The following ANO3 variants were observed in gnomAD, a reference collection of about 807,000 sequenced individuals.
ANO3 encodes the protein anoctamin 3.
ANO3 carries 99 observed loss-of-function variants against 144.8 expected under a neutral mutation model. The observed-to-expected ratio is 0.68, with a 90% CI of 0.58 to 0.81. ANO3 has a LOEUF of 0.81. Ranked by LOEUF, ANO3 falls within the 30% of genes least tolerant of loss-of-function variation. The pLI is 0.00. For missense variants in ANO3, 905 were observed against 1,202.2 expected, an observed-to-expected ratio of 0.75 and a Z score of 3.66; for synonymous variants, 414 against 392.6, an observed-to-expected ratio of 1.05 and a Z score of -0.64.
At chr11:26,558,723 A>G (rs539074397) in intron 13 of ANO3, among the ~76,000 whole-genome samples, 1 of 152,198 alleles carries the variant, frequency 6.6e-6, no homozygotes, top group African/African-American at 2.4e-5. Flanking sequence ...CTTTACATAT[A>G]TTTTGCAGTG....
chr11:26,478,532 CA>C (rs902979551), intron 4 of ANO3, among the ~76,000 whole-genome samples: 4 of 152,046 alleles, frequency 2.6e-5, no homozygotes, highest in African/African-American at 9.7e-5. Context: ...CAGTAATGGA[CA>C]AATTTCCCAA....
chr11:26,555,975 A>G (rs569036170), intron 13 of ANO3, among the ~76,000 whole-genome samples: 3 of 152,250 alleles, frequency 2.0e-5, no homozygotes, highest in East Asian at 1.9e-4. Flanking sequence ...TAAATTTTCC[A>G]TATTATATTG....
At chr11:26,236,435 T>G (rs2133806931) in intron 1 of ANO3, among the ~76,000 whole-genome samples, 1 of 151,640 alleles carries the variant, frequency 6.6e-6, no homozygotes, top group East Asian at 1.9e-4. Flanking sequence ...CCAAACAGTT[T>G]GAAATAAAAG....
In ANO3 at chr11:26,432,169, CT is replaced by C. The variant is rs368004562; in HGVS notation, c.47-9741del. The stretch of plus-strand genomic sequence containing the variant: ...TACTCTAATGATCAGTGGTATTGAG[CT>C]TTTTTTTCCCATAATTGGTGGCCAC... On this transcript the variant is annotated intron_variant, in intron 1 of 26. Transcript: ENST00000256737. Among the ~76,000 whole-genome samples the C allele has an allele frequency of 5.3e-5, 8 of 151,838 alleles. No individual in the cohort carries two copies. In the South Asian group the frequency reaches 6.2e-4, roughly 12 times the overall value.
chr11:26,238,932 G>C (rs1284592006), intron 1 of ANO3, among the ~76,000 whole-genome samples: 1 of 151,480 alleles, frequency 6.6e-6, no homozygotes, highest in Non-Finnish European at 1.5e-5. Flanking sequence ...TTGCTAGCTA[G>C]AGATAATTTC....
intron 1 of ANO3, among the ~76,000 whole-genome samples, chr11:26,357,855 A>G (rs560874470): frequency 4.6e-5 from 7 of 152,324 alleles, no homozygotes; most frequent in Non-Finnish European, 7.4e-5. Context: ...CATTTTGCAT[A>G]AATATCTTAA....
intron 1 of ANO3, among the ~76,000 whole-genome samples, chr11:26,280,310 C>T (rs1455515398): frequency 6.6e-6 from 1 of 152,126 alleles, no homozygotes; most frequent in Non-Finnish European, 1.5e-5. Flanking sequence ...TTAAGGTTCT[C>T]TAGCAGGACA....
At chr11:26,561,422 T>G (rs2134249776) in intron 14 of ANO3, among the ~76,000 whole-genome samples, 1 of 152,118 alleles carries the variant, frequency 6.6e-6, no homozygotes. Context: ...AAGAGTACAG[T>G]TTTACTTCCA....
chr11:26,417,958 C>T (rs992414256), intron 1 of ANO3, among the ~76,000 whole-genome samples: 8 of 152,050 alleles, frequency 5.3e-5, no homozygotes. Context: ...TTTTCTCACC[C>T]TGAACTGGTT....
At chr11:26,391,576 G>C (rs1465750202) in intron 1 of ANO3, among the ~76,000 whole-genome samples, 1 of 151,842 alleles carries the variant, frequency 6.6e-6, no homozygotes, top group Admixed American at 6.6e-5. Flanking sequence ...TTCTAGTTTT[G>C]GCAATGGTTT....
chr11:26,649,765 A>G (rs1300861111), intron 24 of ANO3, among the ~76,000 whole-genome samples: 1 of 152,074 alleles, frequency 6.6e-6, no homozygotes, highest in African/African-American at 2.4e-5. Context: ...CATAGCCCTT[A>G]TGATTAAGAA....
chr11:26,593,966 T>G (rs1590604264), intron 14 of ANO3, among the ~76,000 whole-genome samples: 1 of 152,150 alleles, frequency 6.6e-6, no homozygotes, highest in Non-Finnish European at 1.5e-5. Context: ...TAAGGCGGAC[T>G]TTTGAAGTTT....
At chr11:26,485,205 G>A (rs1174402109) in intron 4 of ANO3, among the ~76,000 whole-genome samples, 1 of 152,132 alleles carries the variant, frequency 6.6e-6, no homozygotes, top group East Asian at 1.9e-4. Flanking sequence ...GGGGCCAGGG[G>A]CAGAATGATA....
intron 14 of ANO3, chr11:26,565,296 C>A (rs770577331): frequency 6.2e-7 from 1 of 1,608,726 alleles, no homozygotes; most frequent in South Asian, 1.1e-5. Context: ...AAGCCATCCA[C>A]TTGGTTCCAC....
Position 26,437,883 on chromosome 11 carries a change from A to T in ANO3, c.47-4035A>T, listed in dbSNP as rs75171912. Among the ~76,000 whole-genome samples the T allele has an allele frequency of 9.3e-3, 1,412 of 152,380 alleles. 12 individuals carry two copies. The highest frequency in any genetic ancestry group is 0.032 in the African/African-American group (1,315 of 41,596). On this transcript the variant is annotated intron_variant, in intron 1 of 26. Coordinates refer to ENST00000256737, the MANE Select transcript of ANO3 (RefSeq NM_031418.4). ...TTGGGAATTAGAATTTAACATATTT[A>T]AAACAATTAATCAAGACAAAGTATG... is the stretch of plus-strand genomic sequence containing the variant.
chr11:26,543,248 T>G (rs945951255), intron 11 of ANO3, among the ~76,000 whole-genome samples: 6 of 152,002 alleles, frequency 3.9e-5, no homozygotes, highest in African/African-American at 1.4e-4. Context: ...GCAAGGGTAA[T>G]AAACCCCATC....
At chr11:26,464,706 C>T (rs1021283893) in intron 4 of ANO3, among the ~76,000 whole-genome samples, 13 of 151,724 alleles carry the variant, frequency 8.6e-5, no homozygotes, top group African/African-American at 3.1e-4. Flanking sequence ...TGGTAACAGA[C>T]CACAATAGGT....
intron 1 of ANO3, among the ~76,000 whole-genome samples, chr11:26,366,848 G>T (rs941795750): frequency 6.6e-6 from 1 of 151,152 alleles, no homozygotes; most frequent in African/African-American, 2.4e-5. Flanking sequence ...TTGTAAATTT[G>T]TTTGAGTTCT....
chr11:26,471,320 T>C (rs901986403), intron 4 of ANO3, among the ~76,000 whole-genome samples: 4 of 151,934 alleles, frequency 2.6e-5, no homozygotes, highest in Non-Finnish European at 5.9e-5. Context: ...AGCTCTAAAT[T>C]GTGTGGCTAA....
Sources: allele counts gnomAD v4.1 joint callset (sites outside exome capture counted in the v4.1 genomes callset), GRCh38; gene constraint gnomAD v4.1.1; transcripts MANE v1.5; gene names NCBI Gene and HGNC (gene_info 2026-07-23, HGNC 2026-07-21).